Variants in HMGA2 observed in about 807,000 individuals in gnomAD.
HMGA2 encodes the protein high mobility group protein HMGI-C.
A neutral mutation model predicts 19.1 loss-of-function variants in HMGA2; 8 were observed. The observed-to-expected ratio is 0.42, with a 90% CI of 0.25 to 0.76. HMGA2 has a LOEUF of 0.76. HMGA2 is among the 30% of genes least tolerant of loss of function. The pLI, the probability that HMGA2 is intolerant of heterozygous loss-of-function variation, is 0.28. For synonymous variants in HMGA2, 60 were observed against 48.8 expected, an observed-to-expected ratio of 1.23 and a Z score of -0.96; for missense variants, 109 against 136.3, an observed-to-expected ratio of 0.80 and a Z score of 1.00.
chr12:65,959,252 AC>A (rs1876683939), intron 4 of HMGA2, among the ~76,000 whole-genome samples: 1 of 152,208 alleles, frequency 6.6e-6, no homozygotes, highest in African/African-American at 2.4e-5. Flanking sequence ...ATCATGTTGA[AC>A]CAAATTAAAA....
chr12:65,842,704 A>G (rs1477247807), intron 3 of HMGA2: 7 of 1,502,400 alleles, frequency 4.7e-6, no homozygotes, highest in Non-Finnish European at 5.3e-6. Context: ...CAAGATGTAC[A>G]TACAGAGATG....
At chr12:65,826,527 G>A (rs953750226) in intron 1 of HMGA2, 5 of 152,296 alleles carry the variant, frequency 3.3e-5, no homozygotes, top group Middle Eastern at 3.4e-3. Context: ...GAGTCCCAAA[G>A]TTGTCCGAGA....
At chr12:65,907,470 G>A (rs1390213755) in intron 3 of HMGA2, among the ~76,000 whole-genome samples, 1 of 151,026 alleles carries the variant, frequency 6.6e-6, no homozygotes, top group Non-Finnish European at 1.5e-5. Flanking sequence ...TATGCTGAGA[G>A]TTCTGGGCCT....
At chr12:65,962,929 T>G (rs903678585) in intron 4 of HMGA2, among the ~76,000 whole-genome samples, 4 of 152,130 alleles carry the variant, frequency 2.6e-5, no homozygotes, top group African/African-American at 7.2e-5. Flanking sequence ...CCATTCCTAC[T>G]TTTTTTCTAA....
intron 3 of HMGA2, among the ~76,000 whole-genome samples, chr12:65,906,182 T>A (rs1001416368): frequency 6.6e-5 from 10 of 152,176 alleles, no homozygotes; most frequent in African/African-American, 2.4e-4. Context: ...AACCAGTTTT[T>A]ATAGTGCGTG....
chr12:65,895,936 G>A (rs1344365049), intron 3 of HMGA2, among the ~76,000 whole-genome samples: 4 of 152,184 alleles, frequency 2.6e-5, no homozygotes, highest in Non-Finnish European at 4.4e-5. Context: ...AGGAGAGTGA[G>A]TGAGGAGTGC....
intron 3 of HMGA2, among the ~76,000 whole-genome samples, chr12:65,841,341 ATAT>A (rs1432617924): frequency 1.7e-4 from 26 of 152,174 alleles, no homozygotes; most frequent in Non-Finnish European, 3.4e-4. Flanking sequence ...AGAATGGAAA[ATAT>A]TATGTGGTGA....
intron 2 of HMGA2, among the ~76,000 whole-genome samples, chr12:65,831,913 A>C (rs1870496156): frequency 6.6e-6 from 1 of 152,088 alleles, no homozygotes; most frequent in African/African-American, 2.4e-5. Context: ...AGTTAAGGAA[A>C]GGTAACTTTG....
intron 3 of HMGA2, among the ~76,000 whole-genome samples, chr12:65,906,062 A>G (rs561915755): frequency 4.6e-5 from 7 of 152,350 alleles, no homozygotes; most frequent in Admixed American, 4.6e-4. Flanking sequence ...GAGCCTTACC[A>G]AAGAGCTGAT....
At chr12:65,945,184 G>C (rs578245801) in intron 3 of HMGA2, among the ~76,000 whole-genome samples, 56 of 151,740 alleles carry the variant, frequency 3.7e-4, no homozygotes, top group African/African-American at 1.4e-3. Context: ...TTCTGTTGTA[G>C]GGTTCCACAT....
intron 3 of HMGA2, among the ~76,000 whole-genome samples, chr12:65,895,535 A>G (rs1229573872): frequency 6.6e-6 from 1 of 152,242 alleles, no homozygotes; most frequent in Non-Finnish European, 1.5e-5. Flanking sequence ...TTAAAGAAGT[A>G]TAGTAGACCT....
At chr12:65,942,864 T>C (rs1175170740) in intron 3 of HMGA2, among the ~76,000 whole-genome samples, 2 of 152,196 alleles carry the variant, frequency 1.3e-5, no homozygotes, top group African/African-American at 2.4e-5. Context: ...AAAGAAATTT[T>C]CTTAATGTAT....
At chr12:65,888,452 C>G (rs1217348388) in intron 3 of HMGA2, among the ~76,000 whole-genome samples, 1 of 149,256 alleles carries the variant, frequency 6.7e-6, no homozygotes, top group African/African-American at 2.5e-5. Context: ...GAGACTCAGT[C>G]CCCCCCAAAA....
intron 3 of HMGA2, among the ~76,000 whole-genome samples, chr12:65,937,131 A>T (rs558638198): frequency 6.6e-6 from 1 of 151,930 alleles, no homozygotes; most frequent in East Asian, 1.9e-4. Context: ...AAAAAAATTA[A>T]TTTTTTTTTA....
intron 3 of HMGA2, among the ~76,000 whole-genome samples, chr12:65,863,467 C>T (rs1592397451): frequency 1.3e-5 from 2 of 152,224 alleles, no homozygotes; most frequent in South Asian, 4.1e-4. Flanking sequence ...CCGAAATTGA[C>T]TGCACCTTCC....
intron 3 of HMGA2, among the ~76,000 whole-genome samples, chr12:65,866,454 C>A (rs1353669353): frequency 6.6e-6 from 1 of 152,062 alleles, no homozygotes; most frequent in African/African-American, 2.4e-5. Flanking sequence ...AGCTGGTAGA[C>A]CTGTGGGCAA....
At chr12:65,856,862 T>C (rs1056940984) in intron 3 of HMGA2, 3 of 152,190 alleles carry the variant, frequency 2.0e-5, no homozygotes, top group African/African-American at 7.2e-5. Flanking sequence ...TTTCCTCTTA[T>C]AAGGACACCA....
At chr12:65,944,374 A>G (rs1311793331) in intron 3 of HMGA2, among the ~76,000 whole-genome samples, 1 of 152,200 alleles carries the variant, frequency 6.6e-6, no homozygotes. Flanking sequence ...TGGAGTGGGT[A>G]TGAGAATCTA....
chr12:65,827,327 T>C (rs531914466), intron 1 of HMGA2, among the ~76,000 whole-genome samples: 62 of 152,358 alleles, frequency 4.1e-4, no homozygotes, highest in Middle Eastern at 3.4e-3. Context: ...CTGGAGGCCA[T>C]GCCTGCATCT....
Sources: gnomAD v4.1 joint callset for allele counts (sites outside exome capture counted in the v4.1 genomes callset) on GRCh38, gnomAD v4.1.1 for gene constraint, MANE v1.5 for transcripts, NCBI Gene and HGNC (gene_info 2026-07-23, HGNC 2026-07-21) for gene names.